Variants in GPATCH2L observed in about 807,000 individuals in gnomAD.
GPATCH2L encodes the protein G-patch domain containing 2 like.
A neutral mutation model predicts 57.4 loss-of-function variants in GPATCH2L; 31 were observed. The ratio of observed to expected loss-of-function variants is 0.54; its 90% CI spans 0.41 to 0.73. The LOEUF (loss-of-function observed/expected upper bound fraction) is 0.73, where lower values mean the gene tolerates loss of function less well. Among genes scored for constraint, GPATCH2L ranks in the 30% least tolerant of loss-of-function variants. The pLI, the probability that GPATCH2L is intolerant of heterozygous loss-of-function variation, is 0.00. For synonymous variants in GPATCH2L, 199 were observed against 210.7 expected, an observed-to-expected ratio of 0.94 and a Z score of 0.48; for missense variants, 481 against 599.9, an observed-to-expected ratio of 0.80 and a Z score of 2.07.
chr14:76,186,738 G>A (rs1008867308), intron 8 of GPATCH2L, among the ~76,000 whole-genome samples: 2 of 152,210 alleles, frequency 1.3e-5, no homozygotes, highest in African/African-American at 4.8e-5. Context: ...TACTGCCTAA[G>A]TGGAATGATG....
Position 76,154,554 on chromosome 14 carries a change from C to T in GPATCH2L, c.191C>T (p.Ala64Val), listed in dbSNP as rs756559233. The T allele has an allele frequency of 1.2e-6, 2 of 1,614,192 alleles. No homozygotes were observed. The highest frequency in any genetic ancestry group is 1.7e-5 in the Admixed American group (1 of 60,026). The change falls in exon 2 of 10, where the codon GCC becomes GTC. Residue 64 changes from alanine to valine, a missense_variant. Ala to Val is a moderately conservative substitution (Grantham distance 64, BLOSUM62 0). This residue lies in a region of GPATCH2L where 208 missense variants were observed against 272.4 expected (regional missense o/e 0.76). Coordinates refer to ENST00000261530, the MANE Select transcript of GPATCH2L (RefSeq NM_017926.4). The surrounding 1 kb of genome is among the most constrained non-coding windows in gnomAD (Gnocchi z 4.4). ...GAGCATACCTGCTGCTACAGCGAGG[C>T]CTCTGAGTCAAGTCTGGATGAGGCC... ...LAEHTCCYSE[A>V]SESSLDEATK...
chr14:76,198,417 A>T (rs567119724), intron 9 of GPATCH2L, among the ~76,000 whole-genome samples: 75 of 152,344 alleles, frequency 4.9e-4, no homozygotes, highest in African/African-American at 1.8e-3. Context: ...ATAAACCCAG[A>T]TGAAAACCAG....
intron 2 of GPATCH2L, among the ~76,000 whole-genome samples, chr14:76,232,571 A>T (rs1032576446): frequency 6.6e-6 from 1 of 152,206 alleles, no homozygotes; most frequent in Admixed American, 6.5e-5. Flanking sequence ...TCCAAAAACC[A>T]TTCTGGGGTT....
At chr14:76,160,483 A>G (rs973734574) in intron 2 of GPATCH2L, among the ~76,000 whole-genome samples, 9 of 152,374 alleles carry the variant, frequency 5.9e-5, no homozygotes, top group Admixed American at 2.0e-4. Flanking sequence ...GTCTGTGAGT[A>G]TGTAAATATT....
chr14:76,221,210 C>T (rs1350269161), intron 1 of GPATCH2L, among the ~76,000 whole-genome samples: 3 of 148,428 alleles, frequency 2.0e-5, no homozygotes, highest in Non-Finnish European at 1.5e-5. Flanking sequence ...GACAAAAGAT[C>T]TGAACAGACA....
Position 76,204,919 on chromosome 14 carries a change from T to C in GPATCH2L, c.*3068T>C, listed in dbSNP as rs2040357720. On this transcript the variant is annotated 3_prime_UTR_variant, in exon 10 of 10. Coordinates refer to ENST00000261530, the MANE Select transcript of GPATCH2L (RefSeq NM_017926.4). ...AAAGGAATTTTAGATTTTTTTCAGA[T>C]GCAGTATTTTAAAGGAACAAAACTC... 6.6e-6 allele frequency: 1 copy of C among 152,176 alleles called. No individual in the cohort carries two copies. Among genetic ancestry groups the C allele is most frequent in the South Asian group, 2.1e-4 (1 of 4,824 alleles). The allele number at this position is 152,176 out of a possible 1,614,324, so 9.4% of individuals were successfully genotyped here.
In GPATCH2L at chr14:76,171,445, C is replaced by T. The variant is rs370189229; in HGVS notation, c.728-398C>T. Among the ~76,000 whole-genome samples, 244 of 152,156 alleles carry T rather than the reference C, an allele frequency of 1.6e-3. 11 individuals are homozygous for T. In the South Asian group the frequency reaches 0.044, roughly 27 times the overall value. On this transcript the variant is annotated intron_variant, in intron 3 of 9. Transcript: ENST00000261530. Reference sequence around the variant, plus strand: ...TACAAAAATTAGCCAGGCATGGTGGCGGGCGCTTGTAATGCCAGCTACTCA... The same window carrying T: ...TACAAAAATTAGCCAGGCATGGTGGTGGGCGCTTGTAATGCCAGCTACTCA...
At chr14:76,185,994 T>C (rs1405331842) in intron 8 of GPATCH2L, among the ~76,000 whole-genome samples, 1 of 152,172 alleles carries the variant, frequency 6.6e-6, no homozygotes, top group Non-Finnish European at 1.5e-5. Context: ...ATCTTTAAAA[T>C]GGAAATATCA....
chr14:76,175,129 T>C (rs1002943278), intron 5 of GPATCH2L: 4 of 152,152 alleles, frequency 2.6e-5, no homozygotes, highest in African/African-American at 9.7e-5. Flanking sequence ...TGACAGATAA[T>C]GTTCCCCCTG....
chr14:76,155,099 G>C, intron 2 of GPATCH2L, 74 bp downstream of exon 2: 1 of 1,221,814 alleles, frequency 8.2e-7, no homozygotes, highest in East Asian at 2.5e-5. Flanking sequence ...GGTCTTAGTG[G>C]GTTCTACCTT....
chr14:76,218,125 T>C (rs1812575621), downstream of GPATCH2L, among the ~76,000 whole-genome samples: 1 of 152,168 alleles, frequency 6.6e-6, no homozygotes, highest in Non-Finnish European at 1.5e-5. Context: ...TAATTGAGAA[T>C]ACCAGAAGCA....
intron 9 of GPATCH2L, 104 bp from the exon 10 acceptor site, chr14:76,201,586 TA>T: frequency 1.3e-6 from 1 of 782,154 alleles, no homozygotes; most frequent in South Asian, 2.5e-5. Flanking sequence ...ACATGAAGTA[TA>T]AGGATTAAGA....
At chr14:76,196,068 T>C (rs972747939) in intron 9 of GPATCH2L, 96 bp downstream of exon 9, 2 of 938,034 alleles carry the variant, frequency 2.1e-6, no homozygotes, top group African/African-American at 1.6e-5. Flanking sequence ...TTTGTGATAG[T>C]GTAGGTCATT....
In GPATCH2L at chr14:76,201,705, G is replaced by A. The variant is rs1292846572; in HGVS notation, c.1303G>A (p.Val435Met). 2 of 1,612,324 alleles carry A rather than the reference G, an allele frequency of 1.2e-6. No individual in the cohort carries two copies. The highest frequency in any genetic ancestry group is 1.3e-5 in the African/African-American group (1 of 74,880). The change falls in exon 10 of 10, where the codon GTG (valine) becomes ATG (methionine). Residue 435 changes from valine to methionine, a missense_variant. By Grantham distance (21) the Val-to-Met change is conservative. This residue lies in a region of GPATCH2L where 248 missense variants were observed against 270.5 expected (regional missense o/e 0.92). Transcript: ENST00000261530. ...AACCTTACTAGTTCACATGGATGCA[G>A]TGGAGCCAACCACACCAGCATCACA... is the stretch of plus-strand genomic sequence containing the variant. The part of the protein sequence containing the change: ...SSPSAVHMDA[V>M]EPTTPASQAP...
rs2040326945 is a variant in GPATCH2L, at chr14:76,202,528, CGT to C, written c.*682_*683del. 1.1e-5 allele frequency: 1 copy of C among 91,164 alleles called. No homozygotes were observed. The highest frequency in any genetic ancestry group is 1.4e-4 in the Admixed American group (1 of 7,268). 5.6% of individuals were successfully genotyped at this position (91,164 alleles called of 1,614,324 possible). On this transcript the variant is annotated 3_prime_UTR_variant, in exon 10 of 10. Transcript: ENST00000261530. The stretch of plus-strand genomic sequence containing the variant: ...GAGTTTATGTTCTACTGAAAGAGGA[CGT>C]GTGTATACACACACACACACACACA...
Position 76,201,807 on chromosome 14 carries a change from A to C in GPATCH2L, c.1405A>C (p.Thr469Pro). The part of the protein sequence containing the change: ...AEKATDATTA[T>P]FFKMPQEKSP... ...GAAAGCCACAGACGCAACTACTGCT[A>C]CATTTTTTAAAATGCCACAAGAAAA... Residue 469 changes from threonine to proline, a missense_variant, in exon 10 of 10, where the codon ACA becomes CCA. Thr to Pro is a conservative substitution (Grantham distance 38, BLOSUM62 -1). This residue lies in a region of GPATCH2L where 248 missense variants were observed against 270.5 expected (regional missense o/e 0.92). Transcript: ENST00000261530. 2 of 1,614,140 alleles carry C rather than the reference A, an allele frequency of 1.2e-6. No homozygotes were observed. The highest frequency in any genetic ancestry group is 1.7e-6 in the Non-Finnish European group (2 of 1,179,978).
At chr14:76,214,433 C>T (rs2040474666), downstream of GPATCH2L, 1 of 152,118 alleles carries the variant, frequency 6.6e-6, no homozygotes, top group African/African-American at 2.4e-5. Flanking sequence ...TATCTTGCTA[C>T]CTTACCTAAT....
In GPATCH2L at chr14:76,208,751, C is replaced by G; in HGVS notation, c.*6900C>G. Reference sequence around the variant, plus strand: ...ATACTCCTTCCTTCAAACAAAAGACCTTTCCTCAACCCTTTGAAAGCCTGA... The same window carrying G: ...ATACTCCTTCCTTCAAACAAAAGACGTTTCCTCAACCCTTTGAAAGCCTGA... On this transcript the variant is annotated 3_prime_UTR_variant, in exon 10 of 10. Transcript: ENST00000261530. The G allele has an allele frequency of 6.6e-6, 1 of 152,352 alleles. No individual in the cohort carries two copies. Among genetic ancestry groups the G allele is most frequent in the Non-Finnish European group, 1.5e-5 (1 of 68,156 alleles). 9.4% of individuals were successfully genotyped at this position (152,352 alleles called of 1,614,324 possible).
chr14:76,200,287 G>A (rs1027427882), intron 9 of GPATCH2L, among the ~76,000 whole-genome samples: 1 of 152,112 alleles, frequency 6.6e-6, no homozygotes, highest in Non-Finnish European at 1.5e-5. Context: ...TACTTAATGC[G>A]ACTGAACTGT....
Sources: allele counts gnomAD v4.1 joint callset (sites outside exome capture counted in the v4.1 genomes callset), GRCh38; gene constraint gnomAD v4.1.1; regional missense constraint gnomAD v4.1.1; non-coding constraint Gnocchi (gnomAD v3.1); transcripts MANE v1.5; gene names NCBI Gene and HGNC (gene_info 2026-07-23, HGNC 2026-07-21).